Variants in ELP4 observed in about 807,000 individuals in gnomAD.
The protein encoded by ELP4 is elongator acetyltransferase complex subunit 4, also known as elongator complex protein 4.
A neutral mutation model predicts 48.9 loss-of-function variants in ELP4; 51 were observed. The ratio of observed to expected loss-of-function variants is 1.04; its 90% confidence interval spans 0.83 to 1.32. The LOEUF (loss-of-function observed/expected upper bound fraction) is 1.32, where lower values mean the gene tolerates loss of function less well. Among genes scored for constraint, ELP4 ranks in the 40% most tolerant of loss-of-function variants. The pLI is 0.00. For missense variants in ELP4, 519 were observed against 514.6 expected (o/e 1.01, Z -0.08); for synonymous variants, 210 against 189.2 (o/e 1.11, Z -0.90).
At chr11:31,669,976 C>A (rs564707033) in intron 9 of ELP4, among the ~76,000 whole-genome samples, 3 of 152,298 alleles carry the variant, frequency 2.0e-5, no homozygotes, top group South Asian at 4.1e-4. Context: ...CTCAGTCTTT[C>A]CTTCTTAGTG....
At chr11:31,705,005 A>G (rs995128528) in intron 9 of ELP4, among the ~76,000 whole-genome samples, 10 of 150,822 alleles carry the variant, frequency 6.6e-5, no homozygotes, top group Admixed American at 4.7e-4. Flanking sequence ...GCGAGACTCC[A>G]TCTCAAAAAA....
At chr11:31,760,155 C>A (rs959410646) in intron 9 of ELP4, among the ~76,000 whole-genome samples, 6 of 152,158 alleles carry the variant, frequency 3.9e-5, no homozygotes, top group Non-Finnish European at 7.4e-5. Context: ...AAACTCCCAA[C>A]AAATTACATA....
At position 31,789,595 on chromosome 11, in the gene ELP4, C is replaced by T; in HGVS notation, c.*6071C>T. 1 of 575,090 alleles carries T rather than the reference C, an allele frequency of 1.7e-6. No homozygotes were observed. Among genetic ancestry groups the T allele is most frequent in the East Asian group, 3.0e-5 (1 of 33,876 alleles). The allele number at this position is 575,090 out of a possible 1,614,324, so 35.6% of individuals were successfully genotyped here. On this transcript the variant is annotated 3_prime_UTR_variant, in exon 10 of 10. Coordinates refer to ENST00000640961, the MANE Select transcript of ELP4 (RefSeq NM_019040.5). ...TTCTTTTTAAAAAAAAAAAAAACAA[C>T]TTCATGACCAACACAGATCAAACAT...
chr11:31,744,053 A>C (rs1417374190), intron 9 of ELP4, among the ~76,000 whole-genome samples: 8 of 152,302 alleles, frequency 5.3e-5, no homozygotes, highest in Non-Finnish European at 1.2e-4. Flanking sequence ...AAAATGATAA[A>C]GGGGATATCA....
At chr11:31,770,564 CAAAAAAA>C (rs374184259) in intron 9 of ELP4, among the ~76,000 whole-genome samples, 2,116 of 107,506 alleles carry the variant, frequency 0.02, 44 homozygotes, top group African/African-American at 0.062. Flanking sequence ...ATAAAATTTC[CAAAAAAA>C]AAAAAAAAAT....
chr11:31,640,824 A>G (rs1945080077), intron 7 of ELP4, among the ~76,000 whole-genome samples: 1 of 152,002 alleles, frequency 6.6e-6, no homozygotes, highest in African/African-American at 2.4e-5. Flanking sequence ...CCAGTTCAGC[A>G]TAGTAGAGCC....
chr11:31,655,756 C>A (rs1403070674), intron 9 of ELP4, among the ~76,000 whole-genome samples: 3 of 152,018 alleles, frequency 2.0e-5, no homozygotes, highest in African/African-American at 7.2e-5. Context: ...TGACTAGACA[C>A]ATGCTAAAAG....
At chr11:31,563,987 T>C (rs1179506725) in intron 3 of ELP4, among the ~76,000 whole-genome samples, 2 of 152,198 alleles carry the variant, frequency 1.3e-5, no homozygotes, top group African/African-American at 4.8e-5. Context: ...CCTAGCATTT[T>C]CTTGAAATAG....
chr11:31,631,755 T>C (rs1276765836), intron 6 of ELP4, among the ~76,000 whole-genome samples: 1 of 152,104 alleles, frequency 6.6e-6, no homozygotes, highest in Non-Finnish European at 1.5e-5. Flanking sequence ...AAAAGTCATA[T>C]ATCTTTAAGC....
intron 3 of ELP4, among the ~76,000 whole-genome samples, chr11:31,547,878 A>G (rs1332829200): frequency 1.3e-5 from 2 of 152,172 alleles, no homozygotes; most frequent in African/African-American, 2.4e-5. Context: ...AGAACCAAAG[A>G]CAAAAACCAC....
intron 9 of ELP4, among the ~76,000 whole-genome samples, chr11:31,689,860 G>A (rs2134136678): frequency 1.3e-5 from 2 of 152,228 alleles, no homozygotes; most frequent in Middle Eastern, 3.4e-3. Context: ...TGTGGTGGTG[G>A]TGGTGGTGGT....
chr11:31,510,137 C>T, intron 1 of ELP4, 130 bp downstream of exon 1: 1 of 823,398 alleles, frequency 1.2e-6, no homozygotes, highest in South Asian at 1.7e-5. Context: ...ATAGCCTGGT[C>T]TGATTGAGAT....
At chr11:31,533,418 C>T (rs1358801900) in intron 2 of ELP4, among the ~76,000 whole-genome samples, 1 of 129,164 alleles carries the variant, frequency 7.7e-6, no homozygotes, top group Non-Finnish European at 1.6e-5. Context: ...CGCTCTTTCG[C>T]CCAGGCCAGA....
intron 3 of ELP4, among the ~76,000 whole-genome samples, chr11:31,566,497 A>C (rs1473364462): frequency 2.0e-5 from 3 of 152,356 alleles, no homozygotes; most frequent in African/African-American, 7.2e-5. Flanking sequence ...TTTGGCTAAA[A>C]GAATGGTTAA....
At chr11:31,597,532 C>T (rs1363122867) in intron 4 of ELP4, among the ~76,000 whole-genome samples, 1 of 152,152 alleles carries the variant, frequency 6.6e-6, no homozygotes, top group Admixed American at 6.5e-5. Context: ...ATTCAAGTGA[C>T]TGGCCTTAAT....
intron 1 of ELP4, among the ~76,000 whole-genome samples, chr11:31,518,895 C>CA (rs34767268): frequency 0.18 from 11,813 of 66,332 alleles, 1,915 homozygotes; most frequent in African/African-American, 0.45. Context: ...GACTCTGTCT[C>CA]AAAAAAAAAA....
chr11:31,687,922 G>A (rs1338880337), intron 9 of ELP4, among the ~76,000 whole-genome samples: 1 of 152,144 alleles, frequency 6.6e-6, no homozygotes, highest in Non-Finnish European at 1.5e-5. Flanking sequence ...TGATTTCCAT[G>A]AATGCACAGG....
At chr11:31,594,608 C>A (rs762655924) in intron 3 of ELP4, among the ~76,000 whole-genome samples, 162 bp from the exon 4 acceptor site, 10 of 151,864 alleles carry the variant, frequency 6.6e-5, no homozygotes, top group African/African-American at 2.4e-4. Context: ...TACTTGTTTT[C>A]TCTGTTTTAG....
At chr11:31,537,320 G>A (rs1956517048) in intron 2 of ELP4, among the ~76,000 whole-genome samples, 1 of 152,122 alleles carries the variant, frequency 6.6e-6, no homozygotes, top group African/African-American at 2.4e-5. Flanking sequence ...CGATTGTATG[G>A]ATTTATTTCT....
Sources: allele counts gnomAD v4.1 joint callset (sites outside exome capture counted in the v4.1 genomes callset), GRCh38; gene constraint gnomAD v4.1.1; transcripts MANE v1.5; gene names NCBI Gene and HGNC (gene_info 2026-07-23, HGNC 2026-07-21).